Variants in ENTREP2 observed in about 807,000 individuals in gnomAD.
The protein encoded by ENTREP2 is protein ENTREP2.
chr15:29,634,822 G>A, the ENTREP2 span, among the ~76,000 whole-genome samples: 115 of 152,266 alleles, frequency 7.6e-4, 1 homozygote, highest in Admixed American at 4.4e-3. Flanking sequence ...CTTACCTTTA[G>A]TGGCTGATCA....
chr15:29,524,191 C>A, the ENTREP2 span, among the ~76,000 whole-genome samples: 1 of 152,124 alleles, frequency 6.6e-6, no homozygotes, highest in East Asian at 1.9e-4. Flanking sequence ...AAAGACAACT[C>A]AATTGGAAAA....
the ENTREP2 span, among the ~76,000 whole-genome samples, chr15:29,202,173 A>G: frequency 6.6e-6 from 1 of 152,050 alleles, no homozygotes; most frequent in African/African-American, 2.4e-5. Flanking sequence ...TTTTCTTGCT[A>G]GAGTTTTGTC....
At chr15:29,556,115 C>T in the ENTREP2 span, among the ~76,000 whole-genome samples, 1 of 152,048 alleles carries the variant, frequency 6.6e-6, no homozygotes, top group African/African-American at 2.4e-5. Flanking sequence ...AAAAATTAGC[C>T]GGGAGTGGTG....
chr15:29,473,797 C>A, the ENTREP2 span, among the ~76,000 whole-genome samples: 11 of 152,210 alleles, frequency 7.2e-5, no homozygotes, highest in African/African-American at 2.7e-4. Context: ...CCTCAGGGCC[C>A]CGGCCGCAGC....
the ENTREP2 span, among the ~76,000 whole-genome samples, chr15:29,645,277 T>C: frequency 6.6e-6 from 1 of 152,068 alleles, no homozygotes; most frequent in African/African-American, 2.4e-5. Context: ...TAAGTCTAAA[T>C]GGTGAAAAAA....
At chr15:29,133,277 G>C in the ENTREP2 span, among the ~76,000 whole-genome samples, 67 of 152,250 alleles carry the variant, frequency 4.4e-4, no homozygotes, top group African/African-American at 1.5e-3. Flanking sequence ...CATCCTGCGA[G>C]AGTGATCTAC....
chr15:29,668,104 G>C, the ENTREP2 span, among the ~76,000 whole-genome samples: 1 of 152,136 alleles, frequency 6.6e-6, no homozygotes, highest in Non-Finnish European at 1.5e-5. Flanking sequence ...CCCAGCAAGA[G>C]AGCACCCTAG....
chr15:29,655,411 G>A, the ENTREP2 span, among the ~76,000 whole-genome samples: 2,227 of 152,294 alleles, frequency 0.015, 49 homozygotes, highest in African/African-American at 0.051. Flanking sequence ...AGAAGAGGAT[G>A]TGCTCCCATC....
the ENTREP2 span, among the ~76,000 whole-genome samples, chr15:29,478,019 A>ATATATTTATATTT: frequency 5.5e-5 from 3 of 54,286 alleles, no homozygotes; most frequent in African/African-American, 2.7e-4. Context: ...ATATATATAT[A>ATATATTTATATTT]TTTTTTTTTT....
the ENTREP2 span, among the ~76,000 whole-genome samples, chr15:29,563,305 C>T: frequency 1.6e-3 from 240 of 152,278 alleles, no homozygotes; most frequent in Non-Finnish European, 2.6e-3. Flanking sequence ...ACCTCCTTTG[C>T]CTGTGTCCTA....
At chr15:29,269,025 A>C in the ENTREP2 span, 1 of 1,614,120 alleles carries the variant, frequency 6.2e-7, no homozygotes, top group Non-Finnish European at 8.5e-7. Flanking sequence ...GCTGTCGCAC[A>C]AAGTCCTCAG....
the ENTREP2 span, among the ~76,000 whole-genome samples, chr15:29,597,772 C>T: frequency 6.6e-6 from 1 of 152,088 alleles, no homozygotes; most frequent in Non-Finnish European, 1.5e-5. Context: ...GGGACATACG[C>T]TTCCAAATCA....
chr15:29,553,032 A>G, the ENTREP2 span, among the ~76,000 whole-genome samples: 2 of 152,240 alleles, frequency 1.3e-5, no homozygotes, highest in Non-Finnish European at 2.9e-5. Context: ...GTGGTGGCTC[A>G]CGCCTGTAAT....
chr15:29,185,299 C>T, the ENTREP2 span, among the ~76,000 whole-genome samples: 1 of 152,102 alleles, frequency 6.6e-6, no homozygotes, highest in African/African-American at 2.4e-5. Flanking sequence ...GGAATCACAC[C>T]CAATGCCCTC....
the ENTREP2 span, among the ~76,000 whole-genome samples, chr15:29,434,883 G>A: frequency 6.6e-6 from 1 of 152,118 alleles, no homozygotes; most frequent in East Asian, 1.9e-4. Context: ...AAGAAAGCAT[G>A]GCAGACCATG....
chr15:29,363,415 A>G, the ENTREP2 span, among the ~76,000 whole-genome samples: 2 of 152,324 alleles, frequency 1.3e-5, no homozygotes, highest in African/African-American at 4.8e-5. Context: ...AGAATATGGC[A>G]AACAGATGAC....
chr15:29,196,390 G>A, the ENTREP2 span: 16 of 1,543,136 alleles, frequency 1.0e-5, no homozygotes, highest in African/African-American at 1.9e-4. Flanking sequence ...TGTAAGGCAT[G>A]GAATGAAATG....
At chr15:29,631,068 T>C in the ENTREP2 span, among the ~76,000 whole-genome samples, 2 of 152,244 alleles carry the variant, frequency 1.3e-5, no homozygotes, top group Non-Finnish European at 1.5e-5. Context: ...TTCAGCAAAC[T>C]GTTTCTTTCA....
chr15:29,295,515 G>A, the ENTREP2 span, among the ~76,000 whole-genome samples: 2 of 152,236 alleles, frequency 1.3e-5, no homozygotes, highest in South Asian at 4.1e-4. Context: ...TGAAACTGCA[G>A]ATGGTACCAA....
Sources: gnomAD v4.1 joint callset for allele counts (sites outside exome capture counted in the v4.1 genomes callset) on GRCh38, gnomAD v4.1.1 for gene constraint, MANE v1.5 for transcripts, NCBI Gene and HGNC (gene_info 2026-07-23, HGNC 2026-07-21) for gene names.